PTPRF: variants seen among roughly 807,000 people sequenced by gnomAD.
PTPRF encodes protein tyrosine phosphatase receptor type F, also known as receptor-type tyrosine-protein phosphatase F.
PTPRF carries 59 observed loss-of-function variants against 201.8 expected under a neutral mutation model. The observed-to-expected ratio is 0.29, with a 90% CI of 0.24 to 0.36. The LOEUF (loss-of-function observed/expected upper bound fraction) is 0.36, where lower values mean the gene tolerates loss of function less well. PTPRF is among the 10% of genes least tolerant of loss of function. The pLI, the probability that PTPRF is intolerant of heterozygous loss-of-function variation, is 1.00. For synonymous variants in PTPRF, 1,088 were observed against 1,089.7 expected, an observed-to-expected ratio of 1.00 and a Z score of 0.03; for missense variants, 2,132 against 2,690.5, an observed-to-expected ratio of 0.79 and a Z score of 4.59.
rs759011770 is a variant in PTPRF, at chr1:43,620,981, G to A, written c.5508G>A (p.Thr1836=). The A allele has an allele frequency of 1.6e-5, 26 of 1,613,448 alleles. No individual in the cohort carries two copies. In the African/African-American group the frequency reaches 2.7e-4, roughly 17 times the overall value. The part of the protein sequence containing the change: ...KEQFGQDGPI[T]VHCSAGVGRT... ...AGTTTGGACAGGATGGGCCTATCAC[G>A]GTGCACTGCAGGTGGGACTGGCCCC... The change falls in exon 32 of 34, where the codon ACG becomes ACA. Residue 1836 remains threonine (T), a synonymous_variant. Coordinates refer to ENST00000359947, the MANE Select transcript of PTPRF (RefSeq NM_002840.5).
At chr1:43,566,257 G>T (rs994171370) in intron 5 of PTPRF, among the ~76,000 whole-genome samples, 1 of 152,210 alleles carries the variant, frequency 6.6e-6, no homozygotes, top group Non-Finnish European at 1.5e-5. Context: ...GTGTGACCTT[G>T]GGCAGGTGTC....
intron 31 of PTPRF, 99 bp downstream of exon 31, chr1:43,620,678 G>A (rs1345282973): frequency 4.5e-6 from 7 of 1,549,970 alleles, no homozygotes; most frequent in Non-Finnish European, 6.1e-6. Context: ...AGAAATCTGA[G>A]GCGGTGGGTG....
In PTPRF at chr1:43,538,019, C is replaced by T. The variant is rs11210868; in HGVS notation, c.-125-179C>T. ...CTTAGGGAGTATCAAAATGAATGAG[C>T]GAGGGAGTGAAGGGAAAAGATGGGC... On this transcript the variant is annotated intron_variant, in intron 1 of 33. Transcript: ENST00000359947. Among the ~76,000 whole-genome samples the T allele has an allele frequency of 9.7e-3, 1,468 of 152,090 alleles. 17 individuals carry two copies. Among genetic ancestry groups the T allele is most frequent in the African/African-American group, 0.034 (1,399 of 41,446 alleles).
At chr1:43,571,614 A>T (rs546405674) in intron 6 of PTPRF, among the ~76,000 whole-genome samples, 1 of 152,338 alleles carries the variant, frequency 6.6e-6, no homozygotes, top group Non-Finnish European at 1.5e-5. Context: ...CGTGGCTCTC[A>T]AATTGGCCCC....
intron 22 of PTPRF, among the ~76,000 whole-genome samples, chr1:43,610,318 G>A (rs1354333671): frequency 2.6e-5 from 4 of 152,234 alleles, no homozygotes; most frequent in Non-Finnish European, 4.4e-5. Flanking sequence ...CATACACACA[G>A]GGTTTGTGTA....
rs565463212 is a variant in PTPRF at position 43,619,731 on chromosome 1, C to G, written c.4984C>G (p.Pro1662Ala). Residue 1662 changes from proline (P) to alanine (A), a missense_variant, in exon 29 of 34, where the codon CCC (proline) becomes GCC (alanine). Transcript: ENST00000359947. ...GTCCCGCTTCATCAGCGCCAACCTGCCCTGCAACAAGTTCAAGAACCGGCT... is the reference window on the plus strand; with the variant it reads ...GTCCCGCTTCATCAGCGCCAACCTGGCCTGCAACAAGTTCAAGAACCGGCT... ...HTSRFISANL[P>A]CNKFKNRLVN... The G allele has an allele frequency of 6.2e-7, 1 of 1,614,258 alleles. No homozygotes were observed. Among genetic ancestry groups the G allele is most frequent in the Non-Finnish European group, 8.5e-7 (1 of 1,180,038 alleles).
chr1:43,524,076 GAAGA>G (rs1220359219), upstream of PTPRF, among the ~76,000 whole-genome samples: 109 of 127,354 alleles, frequency 8.6e-4, no homozygotes, highest in East Asian at 0.022. Context: ...AAAAAAAAAG[GAAGA>G]AAGAAAGAAA....
At chr1:43,523,512 G>A (rs1484447703), upstream of PTPRF, among the ~76,000 whole-genome samples, 1 of 152,146 alleles carries the variant, frequency 6.6e-6, no homozygotes, top group African/African-American at 2.4e-5. Flanking sequence ...AGGCAAACCA[G>A]GAGAGTATGG....
intron 5 of PTPRF, among the ~76,000 whole-genome samples, chr1:43,568,093 C>T (rs924591223): frequency 7.9e-5 from 12 of 151,916 alleles, no homozygotes; most frequent in South Asian, 2.1e-4. Context: ...GTCAGAAGTT[C>T]GAGCCCAGCC....
Position 43,622,447 on chromosome 1 carries a change from T to C in PTPRF, c.*444T>C, listed in dbSNP as rs1310681702. The stretch of plus-strand genomic sequence containing the variant: ...AGGGGTTGGGGTTTATTTTGTTTTG[T>C]TTTTTTTTTTCTTGAGTTCACTTTG... On this transcript the variant is annotated 3_prime_UTR_variant, in exon 34 of 34. Transcript: ENST00000359947. The C allele has an allele frequency of 6.6e-6, 1 of 151,306 alleles. No homozygotes were observed. Among genetic ancestry groups the C allele is most frequent in the Non-Finnish European group, 1.4e-5 (1 of 69,274 alleles). 9.4% of individuals were successfully genotyped at this position (151,306 alleles called of 1,614,324 possible). A position where few individuals can be genotyped will look rare whatever the true frequency, so the allele number is the denominator to read the frequency against.
intron 11 of PTPRF, among the ~76,000 whole-genome samples, chr1:43,595,365 C>G (rs1335720698): frequency 7.2e-5 from 11 of 152,052 alleles, no homozygotes; most frequent in Non-Finnish European, 1.6e-4. Context: ...TAGGCGTGCC[C>G]GCCACCACAC....
intron 6 of PTPRF, among the ~76,000 whole-genome samples, chr1:43,572,236 G>A (rs900846247): frequency 6.6e-6 from 1 of 150,842 alleles, no homozygotes; most frequent in African/African-American, 2.4e-5. Context: ...CACTTGGTGA[G>A]GTCAGCTGTA....
intron 7 of PTPRF, among the ~76,000 whole-genome samples, chr1:43,585,255 G>T (rs1012999871): frequency 6.6e-6 from 1 of 152,208 alleles, no homozygotes; most frequent in Non-Finnish European, 1.5e-5. Flanking sequence ...TGAGATGCCA[G>T]CCACTCCAGC....
chr1:43,619,170 C>G lies in PTPRF; in HGVS notation c.4614C>G (p.Pro1538=), dbSNP rs1211452542. 3.2e-5 allele frequency: 52 copies of G among 1,613,336 alleles called. No homozygotes were observed. The highest frequency in any genetic ancestry group is 4.4e-5 in the Non-Finnish European group (52 of 1,179,838). Residue 1538 remains proline, a synonymous_variant, in exon 27 of 34, where the codon CCC becomes CCG. Transcript: ENST00000359947. The part of the protein sequence containing the change: ...AFLRRVKACN[P]LDAGPMVVHC... ...TACGACGGGTCAAGGCCTGCAACCC[C>G]CTAGACGCAGGGCCCATGGTGGTGC...
upstream of PTPRF, chr1:43,530,745 T>C (rs908261702): frequency 6.5e-6 from 1 of 152,804 alleles, no homozygotes; most frequent in East Asian, 1.9e-4. This position sits in a 1 kb window ranked among gnomAD's most constrained non-coding sequence, Gnocchi z 4.1. Context: ...GGTTGTGGCC[T>C]GTCTGGGCCT....
At chr1:43,568,800 C>T (rs1197004109) in intron 5 of PTPRF, among the ~76,000 whole-genome samples, 1 of 152,184 alleles carries the variant, frequency 6.6e-6, no homozygotes, top group Non-Finnish European at 1.5e-5. Context: ...CCTCTGTGTG[C>T]CGCCAACCCC....
At chr1:43,598,213 C>A in intron 12 of PTPRF, 160 bp downstream of exon 12, 1 of 749,746 alleles carries the variant, frequency 1.3e-6, no homozygotes, top group Non-Finnish European at 2.0e-6. Flanking sequence ...TACGGGATAA[C>A]TGAGGCCCAA....
intron 8 of PTPRF, among the ~76,000 whole-genome samples, chr1:43,590,095 C>T (rs1246021156): frequency 6.6e-6 from 1 of 152,194 alleles, no homozygotes; most frequent in Non-Finnish European, 1.5e-5. Context: ...CCCACCCTGT[C>T]ACGCGCCAGC....
rs1310657329 is a variant in PTPRF at position 43,617,804 on chromosome 1, G to A, written c.4264G>A (p.Ala1422Thr). The A allele has an allele frequency of 3.1e-6, 5 of 1,613,952 alleles. No individual in the cohort carries two copies. Among genetic ancestry groups the A allele is most frequent in the Non-Finnish European group, 8.5e-7 (1 of 1,180,024 alleles). Residue 1422 changes from alanine to threonine, a missense_variant, in exon 25 of 34, where the codon GCC becomes ACC. By Grantham distance (58) the Ala-to-Thr change is moderately conservative. This residue lies in a region of PTPRF where 22 missense variants were observed against 48.1 expected (regional missense o/e 0.46). Coordinates refer to ENST00000359947, the MANE Select transcript of PTPRF (RefSeq NM_002840.5). ...DGYRKQNAYI[A>T]TQGPLPETMG... ...CTACCGCAAGCAGAATGCCTACATC[G>A]CCACGCAGGGCCCCCTGCCCGAGAC... is the stretch of plus-strand genomic sequence containing the variant.
Sources: gnomAD v4.1 joint callset for allele counts (sites outside exome capture counted in the v4.1 genomes callset) on GRCh38, gnomAD v4.1.1 for gene constraint, gnomAD v4.1.1 regional missense constraint, Gnocchi (gnomAD v3.1) non-coding constraint, MANE v1.5 for transcripts, NCBI Gene and HGNC (gene_info 2026-07-23, HGNC 2026-07-21) for gene names.